TMEM106B: variants seen among roughly 807,000 people sequenced by gnomAD.
TMEM106B encodes the protein transmembrane protein 106B.
Under a neutral mutation model 31.1 loss-of-function variants are expected in TMEM106B, and 15 were observed. That is an observed-to-expected ratio of 0.48 (90% CI 0.32 to 0.74). The LOEUF (loss-of-function observed/expected upper bound fraction) is 0.74, where lower values mean the gene tolerates loss of function less well. Among genes scored for constraint, TMEM106B ranks in the 30% least tolerant of loss-of-function variants. The pLI is 0.03. For synonymous variants in TMEM106B, 126 were observed against 112.5 expected (o/e 1.12, Z -0.76); for missense variants, 283 against 327.3 (o/e 0.86, Z 1.04).
At position 12,239,459 on chromosome 7, in the gene TMEM106B, A is replaced by C. The variant is rs987123309; in HGVS notation, c.*7484A>C. On this transcript the variant is annotated 3_prime_UTR_variant, in exon 8 of 8. Transcript: ENST00000396668. ...CTTACAGTAAGGAAATAGCACTTTT[A>C]ATTTCCTTCAAGAACTTTTCCTTTG... 6.6e-6 allele frequency: 1 copy of C among 152,120 alleles called. No individual in the cohort carries two copies. The highest frequency in any genetic ancestry group is 2.1e-4 in the South Asian group (1 of 4,824). The allele number at this position is 152,120 out of a possible 1,614,324, so 9.4% of individuals were successfully genotyped here. A position where few individuals can be genotyped will look rare whatever the true frequency, so the allele number is the denominator to read the frequency against.
At chr7:12,215,403 T>G (rs1036276436) in intron 2 of TMEM106B, among the ~76,000 whole-genome samples, 10 of 140,412 alleles carry the variant, frequency 7.1e-5, no homozygotes, top group Admixed American at 5.7e-4. Flanking sequence ...GTTGACCTAT[T>G]TTTTTTTTTT....
chr7:12,216,022 A>G (rs1229415784), intron 2 of TMEM106B, among the ~76,000 whole-genome samples: 2 of 152,198 alleles, frequency 1.3e-5, no homozygotes, highest in African/African-American at 4.8e-5. Flanking sequence ...AGGTCAAAGT[A>G]TAAAGTATAC....
In TMEM106B at chr7:12,239,663, G is replaced by A. The variant is rs1020961667; in HGVS notation, c.*7688G>A. On this transcript the variant is annotated 3_prime_UTR_variant, in exon 8 of 8. Coordinates refer to ENST00000396668, the MANE Select transcript of TMEM106B (RefSeq NM_001134232.2). ...GAGGCTATTGTAGGATTATTAATTG[G>A]CCTAATTTCAATGTTATTTTGTCTC... The A allele has an allele frequency of 3.3e-5, 5 of 151,986 alleles. No homozygotes were observed. Among genetic ancestry groups the A allele is most frequent in the Non-Finnish European group, 7.4e-5 (5 of 67,992 alleles). 9.4% of individuals were successfully genotyped at this position (151,986 alleles called of 1,614,324 possible). A position where few individuals can be genotyped will look rare whatever the true frequency, so the allele number is the denominator to read the frequency against.
At chr7:12,228,340 CAT>C (rs1781946303) in intron 4 of TMEM106B, among the ~76,000 whole-genome samples, 2 of 151,758 alleles carry the variant, frequency 1.3e-5, no homozygotes, top group South Asian at 4.1e-4. Context: ...TGTATACTCA[CAT>C]ATTCAGCTTT....
Position 12,242,752 on chromosome 7 carries a change from T to C in TMEM106B, c.*10777T>C, listed in dbSNP as rs918890503. The stretch of plus-strand genomic sequence containing the variant: ...GAGTATCTTCTTTTCCTTCCTAAAA[T>C]ACTGTTAATAGCTGGCTATTTTGTA... On this transcript the variant is annotated 3_prime_UTR_variant, in exon 8 of 8. Transcript: ENST00000396668. 6.6e-6 allele frequency: 1 copy of C among 152,150 alleles called. No homozygotes were observed. The highest frequency in any genetic ancestry group is 2.4e-5 in the African/African-American group (1 of 41,432). The allele number at this position is 152,150 out of a possible 1,614,324, so 9.4% of individuals were successfully genotyped here.
chr7:12,229,873 A>G (rs764519827), intron 5 of TMEM106B, 54 bp downstream of exon 5: 231 of 1,532,522 alleles, frequency 1.5e-4, no homozygotes, highest in Non-Finnish European at 1.9e-4. Context: ...TCAGCTTTGT[A>G]TATCATATAA....
rs1030060563 is a variant in TMEM106B at position 12,236,998 on chromosome 7, AAT to A, written c.*5026_*5027del. 8 of 152,122 alleles carry A rather than the reference AAT, an allele frequency of 5.3e-5. No individual in the cohort carries two copies. Among genetic ancestry groups the A allele is most frequent in the South Asian group, 2.1e-4 (1 of 4,826 alleles). 9.4% of individuals were successfully genotyped at this position (152,122 alleles called of 1,614,324 possible). On this transcript the variant is annotated 3_prime_UTR_variant, in exon 8 of 8. Transcript: ENST00000396668. ...TATAATAAATAATATAGAATATGAAAATATGTTTGGGCATTTACTGTTTATAT... is the reference window on the plus strand; with the variant it reads ...TATAATAAATAATATAGAATATGAAAATGTTTGGGCATTTACTGTTTATAT...
At position 12,239,934 on chromosome 7, in the gene TMEM106B, C is replaced by T. The variant is rs1349746669; in HGVS notation, c.*7959C>T. 2.0e-5 allele frequency: 3 copies of T among 152,102 alleles called. No homozygotes were observed. The East Asian group carries it at 5.8e-4, about 29-fold the overall frequency. The allele number at this position is 152,102 out of a possible 1,614,324, so 9.4% of individuals were successfully genotyped here. On this transcript the variant is annotated 3_prime_UTR_variant, in exon 8 of 8. Transcript: ENST00000396668. ...GAGAACATGCTGTTGAAAAAAATGG[C>T]ACTCATAGACTTGTTGGACACAGGA...
intron 4 of TMEM106B, among the ~76,000 whole-genome samples, 164 bp from the exon 5 acceptor site, chr7:12,229,515 C>T (rs569497580): frequency 1.3e-5 from 2 of 152,072 alleles, no homozygotes; most frequent in South Asian, 2.1e-4. Flanking sequence ...ACATAGTACT[C>T]GTGCATAAAA....
intron 1 of TMEM106B, among the ~76,000 whole-genome samples, chr7:12,213,813 A>G (rs530711460): frequency 3.3e-5 from 5 of 152,318 alleles, no homozygotes; most frequent in South Asian, 4.1e-4. Context: ...CTGTAAACCA[A>G]AAATAAAATT....
intron 3 of TMEM106B, 70 bp from the exon 4 acceptor site, chr7:12,224,156 T>C (rs1286708772): frequency 7.0e-7 from 1 of 1,425,606 alleles, no homozygotes; most frequent in Non-Finnish European, 9.7e-7. Flanking sequence ...AAATTGAACA[T>C]ACCTTCTCTA....
rs554700341 is a variant in TMEM106B at position 12,235,253 on chromosome 7, A to T, written c.*3278A>T. 1 of 152,476 alleles carries T rather than the reference A, an allele frequency of 6.6e-6. No individual in the cohort carries two copies. The highest frequency in any genetic ancestry group is 2.1e-4 in the South Asian group (1 of 4,830). The allele number at this position is 152,476 out of a possible 1,614,324, so 9.4% of individuals were successfully genotyped here. A position where few individuals can be genotyped will look rare whatever the true frequency, so the allele number is the denominator to read the frequency against. ...GACTGATCCATTGTCTAAGGAAATT[A>T]TTTATAAATAATAGAGATTAATTTA... On this transcript the variant is annotated 3_prime_UTR_variant, in exon 8 of 8. Transcript: ENST00000396668.
chr7:12,215,401 AT>A (rs536072939), intron 2 of TMEM106B, among the ~76,000 whole-genome samples: 2,995 of 135,320 alleles, frequency 0.022, 19 homozygotes, highest in African/African-American at 0.031. Context: ...TTGTTGACCT[AT>A]TTTTTTTTTT....
At chr7:12,224,138 T>C (rs957506167) in intron 3 of TMEM106B, 88 bp from the exon 4 acceptor site, 7 of 1,217,540 alleles carry the variant, frequency 5.7e-6, no homozygotes, top group African/African-American at 1.5e-5. Context: ...GCTGCTGATA[T>C]ATGGGGGAAA....
intron 4 of TMEM106B, 110 bp downstream of exon 4, chr7:12,224,495 G>A (rs1781860369): frequency 2.4e-6 from 2 of 844,638 alleles, no homozygotes; most frequent in African/African-American, 3.4e-5. Context: ...ACTGGTCAGT[G>A]TGCTTTCTGT....
At position 12,222,120 on chromosome 7, in the gene TMEM106B, A is replaced by G. The variant is rs147866021; in HGVS notation, c.282-2106A>G. On this transcript the variant is annotated intron_variant, in intron 3 of 7. Coordinates refer to ENST00000396668, the MANE Select transcript of TMEM106B (RefSeq NM_001134232.2). ...TTTAATCCTCAAACATGGATTTTAA[A>G]GAGGAAGAAAAGTAAATTGCATTAA... 8.9e-3 allele frequency among the ~76,000 whole-genome samples: 1,360 copies of G among 152,302 alleles called. 16 individuals carry two copies. The highest frequency in any genetic ancestry group is 0.01 in the Non-Finnish European group (688 of 68,024).
intron 1 of TMEM106B, among the ~76,000 whole-genome samples, chr7:12,212,712 G>A (rs1006146063): frequency 5.9e-5 from 9 of 152,122 alleles, no homozygotes; most frequent in African/African-American, 2.2e-4. Context: ...AGAGCCCTTA[G>A]TGCATCCAGC....
intron 2 of TMEM106B, among the ~76,000 whole-genome samples, chr7:12,215,427 G>C (rs1583450264): frequency 6.7e-6 from 1 of 148,862 alleles, no homozygotes. Context: ...TAAGAGATGA[G>C]ATCTCGCAAT....
In TMEM106B at chr7:12,238,435, A is replaced by G. The variant is rs1374336259; in HGVS notation, c.*6460A>G. 1 of 152,160 alleles carries G rather than the reference A, an allele frequency of 6.6e-6. No homozygotes were observed. Among genetic ancestry groups the G allele is most frequent in the Non-Finnish European group, 1.5e-5 (1 of 68,046 alleles). 9.4% of individuals were successfully genotyped at this position (152,160 alleles called of 1,614,324 possible). On this transcript the variant is annotated 3_prime_UTR_variant, in exon 8 of 8. Coordinates refer to ENST00000396668, the MANE Select transcript of TMEM106B (RefSeq NM_001134232.2). ...ATGAGAGTTGAAATCAATTTCTTTC[A>G]AACTCCTGTTAATGTTCATATTTAG...
Sources: allele counts gnomAD v4.1 joint callset (sites outside exome capture counted in the v4.1 genomes callset), GRCh38; gene constraint gnomAD v4.1.1; transcripts MANE v1.5; gene names NCBI Gene and HGNC (gene_info 2026-07-23, HGNC 2026-07-21).